SDK2: variants seen among roughly 807,000 people sequenced by gnomAD.
SDK2 encodes the protein sidekick cell adhesion molecule 2.
SDK2 carries 105 observed loss-of-function variants against 253.9 expected under a neutral mutation model. That is an observed-to-expected ratio of 0.41 (90% CI 0.35 to 0.49). The LOEUF (loss-of-function observed/expected upper bound fraction) is 0.49. Among genes scored for constraint, SDK2 ranks in the 20% least tolerant of loss-of-function variants. The pLI is 0.06. For missense variants in SDK2, 2,608 were observed against 3,003.0 expected, an observed-to-expected ratio of 0.87 and a Z score of 3.07; for synonymous variants, 1,249 against 1,234.9, an observed-to-expected ratio of 1.01 and a Z score of -0.24.
intron 1 of SDK2, among the ~76,000 whole-genome samples, chr17:73,601,943 C>G (rs944818452): frequency 6.6e-6 from 1 of 152,178 alleles, no homozygotes; most frequent in Admixed American, 6.5e-5. Context: ...GGGATTTTGC[C>G]ATGTTGGCCA....
At chr17:73,635,114 T>C (rs1292735664) in intron 1 of SDK2, among the ~76,000 whole-genome samples, 21 of 151,946 alleles carry the variant, frequency 1.4e-4, no homozygotes, top group Admixed American at 1.4e-3. Context: ...GCCTCTCGAG[T>C]AGCTGGAATT....
At chr17:73,590,197 G>C (rs1370141310) in intron 1 of SDK2, among the ~76,000 whole-genome samples, 1 of 152,232 alleles carries the variant, frequency 6.6e-6, no homozygotes, top group Non-Finnish European at 1.5e-5. Context: ...TTGGACGGCT[G>C]TCTGCAGGGT....
chr17:73,469,990 G>A (rs76491673), intron 3 of SDK2, among the ~76,000 whole-genome samples: 8,836 of 104,656 alleles, frequency 0.084, 297 homozygotes, highest in South Asian at 0.12. Context: ...CTGCGCGCGC[G>A]CGCACACACA....
At chr17:73,444,916 G>A (rs550091444) in intron 5 of SDK2, among the ~76,000 whole-genome samples, 63 of 152,308 alleles carry the variant, frequency 4.1e-4, no homozygotes, top group African/African-American at 1.4e-3. Context: ...TGAGCCACAC[G>A]TGCCTATGAG....
At chr17:73,368,786 G>A (rs2062708931) in intron 36 of SDK2, among the ~76,000 whole-genome samples, 193 bp from the exon 37 acceptor site, 1 of 152,116 alleles carries the variant, frequency 6.6e-6, no homozygotes, top group African/African-American at 2.4e-5. Flanking sequence ...GAGGTGGGTG[G>A]ATCACTTGAG....
chr17:73,451,897 G>T (rs1177820930), intron 4 of SDK2, among the ~76,000 whole-genome samples: 2 of 152,180 alleles, frequency 1.3e-5, no homozygotes, highest in South Asian at 2.1e-4. Flanking sequence ...GCTGGAGGAA[G>T]AATTCTTGGG....
At chr17:73,448,420 A>G (rs1292297999) in intron 4 of SDK2, among the ~76,000 whole-genome samples, 1 of 151,940 alleles carries the variant, frequency 6.6e-6, no homozygotes, top group African/African-American at 2.4e-5. Context: ...GCTGGAGTAC[A>G]GTGGCATGAT....
rs1276074738 is a variant in SDK2, at chr17:73,431,325, C to G, written c.1480+177G>C. ...GCAGAATCTTCCTAGTCCCTGGCCT[C>G]TGAACCACTTTGTCACTGTCCCTCT... On this transcript the variant is annotated intron_variant, in intron 11 of 44. Coordinates refer to ENST00000392650, the MANE Select transcript of SDK2 (RefSeq NM_001144952.2). The surrounding 1 kb of genome is among the most constrained non-coding windows in gnomAD (Gnocchi z 5.6). 6.6e-6 allele frequency among the ~76,000 whole-genome samples: 1 copy of G among 152,182 alleles called. No homozygotes were observed. Among genetic ancestry groups the G allele is most frequent in the African/African-American group, 2.4e-5 (1 of 41,438 alleles).
At chr17:73,371,668 T>C (rs2145444949) in intron 36 of SDK2, among the ~76,000 whole-genome samples, 1 of 151,674 alleles carries the variant, frequency 6.6e-6, no homozygotes. Context: ...TGGAAGAAAA[T>C]GTGAGGTCAG....
At chr17:73,552,757 G>T (rs1422739241) in intron 1 of SDK2, among the ~76,000 whole-genome samples, 1 of 152,182 alleles carries the variant, frequency 6.6e-6, no homozygotes, top group Admixed American at 6.5e-5. Flanking sequence ...CCCGCTGTAG[G>T]CTGCTTCCCA....
Position 73,435,272 on chromosome 17 carries a change from C to T in SDK2, c.1195+178G>A, listed in dbSNP as rs1216658827. The stretch of plus-strand genomic sequence containing the variant: ...CTCCAGGGCTCTGGACTCAGGGCTG[C>T]AGAGGCAGCAGCGGTAACTGGCTGT... On this transcript the variant is annotated intron_variant, in intron 9 of 44. Coordinates refer to ENST00000392650, the MANE Select transcript of SDK2 (RefSeq NM_001144952.2). This position sits in a 1 kb window ranked among gnomAD's most constrained non-coding sequence, Gnocchi z 5.7. Among the ~76,000 whole-genome samples the T allele has an allele frequency of 6.6e-6, 1 of 152,226 alleles. No individual in the cohort carries two copies.
rs186473472 is a variant in SDK2 at position 73,628,045 on chromosome 17, C to T, written c.64+15980G>A. 2.2e-4 allele frequency among the ~76,000 whole-genome samples: 34 copies of T among 152,310 alleles called. 2 individuals carry two copies. Among genetic ancestry groups the T allele is most frequent in the African/African-American group, 7.2e-4 (30 of 41,560 alleles). ...CCAGCCTGGGCGACAGAGCGAGACT[C>T]CGTCTCAAAAACAAAACAAAACAAA... On this transcript the variant is annotated intron_variant, in intron 1 of 44. Coordinates refer to ENST00000392650, the MANE Select transcript of SDK2 (RefSeq NM_001144952.2).
rs549925693 is a variant in SDK2 at position 73,504,990 on chromosome 17, A to C, written c.224+2448T>G. On this transcript the variant is annotated intron_variant, in intron 2 of 44. Coordinates refer to ENST00000392650, the MANE Select transcript of SDK2 (RefSeq NM_001144952.2). Reference sequence around the variant, plus strand: ...TGCATTCAGGCACACCGTTGCCCCCAGGCCACCAGATCCAACACTCTTAGG... The same window carrying C: ...TGCATTCAGGCACACCGTTGCCCCCCGGCCACCAGATCCAACACTCTTAGG... Among the ~76,000 whole-genome samples the C allele has an allele frequency of 2.9e-3, 440 of 152,282 alleles. 3 individuals carry two copies. The highest frequency in any genetic ancestry group is 0.01 in the African/African-American group (422 of 41,556).
At position 73,556,187 on chromosome 17, in the gene SDK2, T is replaced by A. The variant is rs187583974; in HGVS notation, c.65-48590A>T. On this transcript the variant is annotated intron_variant, in intron 1 of 44. Transcript: ENST00000392650. Reference sequence around the variant, plus strand: ...ACATCGGGAATGGAGGCACAGCCACTGAGGCAGATCACCAAGATGGGAAGC... The same window carrying A: ...ACATCGGGAATGGAGGCACAGCCACAGAGGCAGATCACCAAGATGGGAAGC... Among the ~76,000 whole-genome samples the A allele has an allele frequency of 1.6e-4, 25 of 152,278 alleles. No homozygotes were observed. In the East Asian group the frequency reaches 4.6e-3, roughly 28 times the overall value.
intron 2 of SDK2, among the ~76,000 whole-genome samples, chr17:73,483,503 GTGTGTGT>G: frequency 9.8e-6 from 1 of 101,904 alleles, no homozygotes; most frequent in African/African-American, 4.0e-5. Flanking sequence ...GTGTGTGTGT[GTGTGTGT>G]ATGTGTGTGT....
chr17:73,580,234 C>T (rs562499269), intron 1 of SDK2, among the ~76,000 whole-genome samples: 83 of 152,328 alleles, frequency 5.4e-4, no homozygotes, highest in Non-Finnish European at 9.8e-4. Context: ...TAGACACTCC[C>T]GCCTGCCTCA....
At chr17:73,436,634 T>C (rs1017249177) in intron 8 of SDK2, among the ~76,000 whole-genome samples, 2 of 148,268 alleles carry the variant, frequency 1.3e-5, no homozygotes, top group Non-Finnish European at 3.0e-5. Flanking sequence ...CACACCCTAT[T>C]CCAAGGAGCA....
chr17:73,406,067 A>G (rs2063076008), intron 18 of SDK2, among the ~76,000 whole-genome samples: 1 of 152,034 alleles, frequency 6.6e-6, no homozygotes. Flanking sequence ...ATTGTAATAC[A>G]TAACACAATA....
In SDK2 at chr17:73,443,534, T is replaced by C. The variant is rs1245236896; in HGVS notation, c.614-2611A>G. Among the ~76,000 whole-genome samples the C allele has an allele frequency of 6.6e-6, 1 of 152,114 alleles. No individual in the cohort carries two copies. The highest frequency in any genetic ancestry group is 1.9e-4 in the East Asian group (1 of 5,174). ...GCACAGCCAGGTAAACAGGGAGACC[T>C]CAAGGAAGGCGAGTTCTGAGTTTAA... On this transcript the variant is annotated intron_variant, in intron 5 of 44. Transcript: ENST00000392650. This position sits in a 1 kb window ranked among gnomAD's most constrained non-coding sequence, Gnocchi z 4.6.
Sources: gnomAD v4.1 joint callset for allele counts (sites outside exome capture counted in the v4.1 genomes callset) on GRCh38, gnomAD v4.1.1 for gene constraint, Gnocchi (gnomAD v3.1) non-coding constraint, MANE v1.5 for transcripts, NCBI Gene and HGNC (gene_info 2026-07-23, HGNC 2026-07-21) for gene names.